GALNTL6: variants seen among roughly 807,000 people sequenced by gnomAD.
GALNTL6 encodes polypeptide N-acetylgalactosaminyltransferase like 6.
GALNTL6 carries 46 observed loss-of-function variants against 73.7 expected under a neutral mutation model. The observed-to-expected ratio is 0.62, with a 90% CI of 0.49 to 0.80. The LOEUF (loss-of-function observed/expected upper bound fraction) is 0.80. Among genes scored for constraint, GALNTL6 ranks in the 30% least tolerant of loss-of-function variants. The probability of loss-of-function intolerance (pLI) is 0.00; values close to 1 mark genes in which losing one functional copy is unlikely to be tolerated. For synonymous variants in GALNTL6, 259 were observed against 263.7 expected (o/e 0.98, Z 0.17); for missense variants, 604 against 755.0 (o/e 0.80, Z 2.34).
chr4:172,643,863 C>A (rs989161126), intron 5 of GALNTL6, among the ~76,000 whole-genome samples: 1 of 151,804 alleles, frequency 6.6e-6, no homozygotes, highest in Admixed American at 6.6e-5. Context: ...AGTAGTGCTG[C>A]TTTTTGTATA....
chr4:172,882,158 T>G (rs546478870), intron 7 of GALNTL6, among the ~76,000 whole-genome samples: 1 of 152,300 alleles, frequency 6.6e-6, no homozygotes, highest in South Asian at 2.1e-4. Context: ...AAATTATTAT[T>G]TAATCAAAAT....
In GALNTL6 at chr4:172,923,573, G is replaced by A. The variant is rs116813481; in HGVS notation, c.1042-7588G>A. Among the ~76,000 whole-genome samples the A allele has an allele frequency of 6.3e-3, 958 of 152,298 alleles. 7 individuals carry two copies. Among genetic ancestry groups the A allele is most frequent in the South Asian group, 0.025 (122 of 4,824 alleles). ...ACCTCTATACAACCTTCCTGGGATGGTGCTAATGAGCAATGCAGCCACTAG... is the reference window on the plus strand; with the variant it reads ...ACCTCTATACAACCTTCCTGGGATGATGCTAATGAGCAATGCAGCCACTAG... On this transcript the variant is annotated intron_variant, in intron 8 of 12. Coordinates refer to ENST00000506823, the MANE Select transcript of GALNTL6 (RefSeq NM_001034845.3).
chr4:172,867,381 C>T (rs1180948305), intron 7 of GALNTL6, among the ~76,000 whole-genome samples: 5 of 152,146 alleles, frequency 3.3e-5, no homozygotes, highest in African/African-American at 1.2e-4. Context: ...AGAGGTGGGA[C>T]ATCTGAAGAC....
chr4:172,102,628 C>T (rs917174695), intron 2 of GALNTL6, among the ~76,000 whole-genome samples: 5 of 152,202 alleles, frequency 3.3e-5, no homozygotes, highest in Non-Finnish European at 5.9e-5. Context: ...CAGAGCTGAG[C>T]TGCCATGTGT....
At chr4:172,076,888 G>A (rs1426952998) in intron 2 of GALNTL6, among the ~76,000 whole-genome samples, 1 of 152,174 alleles carries the variant, frequency 6.6e-6, no homozygotes. Context: ...GGAGAGACCT[G>A]GTGGGAGGTG....
At chr4:172,145,466 A>G (rs1326083760) in intron 2 of GALNTL6, among the ~76,000 whole-genome samples, 1 of 152,016 alleles carries the variant, frequency 6.6e-6, no homozygotes, top group African/African-American at 2.4e-5. Context: ...GCTGGTCTCA[A>G]ACTCCTGGAC....
At chr4:172,709,453 A>G (rs892401486) in intron 5 of GALNTL6, among the ~76,000 whole-genome samples, 1 of 152,222 alleles carries the variant, frequency 6.6e-6, no homozygotes, top group African/African-American at 2.4e-5. Flanking sequence ...ACTTACCATG[A>G]TCTTCCTTTA....
intron 7 of GALNTL6, among the ~76,000 whole-genome samples, chr4:172,872,545 A>G (rs1450808128): frequency 6.6e-6 from 1 of 152,252 alleles, no homozygotes; most frequent in African/African-American, 2.4e-5. Context: ...ATAAAGAAAA[A>G]TGCAGAAATA....
intron 3 of GALNTL6, among the ~76,000 whole-genome samples, chr4:172,303,488 A>G (rs1188550370): frequency 3.3e-5 from 5 of 152,000 alleles, no homozygotes; most frequent in African/African-American, 1.2e-4. Flanking sequence ...CCCTGTATGC[A>G]CTCATCTCTC....
At chr4:171,872,084 T>C (rs1736152786) in intron 2 of GALNTL6, among the ~76,000 whole-genome samples, 1 of 152,176 alleles carries the variant, frequency 6.6e-6, no homozygotes, top group African/African-American at 2.4e-5. Flanking sequence ...TGCAACTTTG[T>C]TAGATATACT....
At chr4:172,074,466 C>T (rs1296258062) in intron 2 of GALNTL6, among the ~76,000 whole-genome samples, 1 of 152,158 alleles carries the variant, frequency 6.6e-6, no homozygotes, top group Non-Finnish European at 1.5e-5. Context: ...GAGTGCGGTT[C>T]TATCATCCAC....
At chr4:172,696,454 T>C (rs143835406) in intron 5 of GALNTL6, among the ~76,000 whole-genome samples, 82 of 152,340 alleles carry the variant, frequency 5.4e-4, no homozygotes, top group African/African-American at 1.8e-3. Context: ...CAGATTGATA[T>C]GGTTTGACTA....
At chr4:172,635,855 T>C (rs563288525) in intron 5 of GALNTL6, among the ~76,000 whole-genome samples, 33 of 152,348 alleles carry the variant, frequency 2.2e-4, no homozygotes, top group Non-Finnish European at 4.7e-4. Context: ...CATTTGTTTC[T>C]TCTGAGTGCC....
At chr4:172,224,470 G>C (rs1434274698) in intron 2 of GALNTL6, among the ~76,000 whole-genome samples, 1 of 152,142 alleles carries the variant, frequency 6.6e-6, no homozygotes, top group African/African-American at 2.4e-5. Context: ...ACTAAGATAG[G>C]TTTTAGAATA....
At chr4:172,016,628 G>C (rs974334459) in intron 2 of GALNTL6, among the ~76,000 whole-genome samples, 1 of 151,886 alleles carries the variant, frequency 6.6e-6, no homozygotes, top group African/African-American at 2.4e-5. Flanking sequence ...GTGATATTTT[G>C]GGGGTTGTTA....
chr4:172,571,109 T>A (rs913017221), intron 5 of GALNTL6, among the ~76,000 whole-genome samples: 6 of 152,174 alleles, frequency 3.9e-5, no homozygotes, highest in Admixed American at 3.3e-4. Context: ...GGCCACAGAC[T>A]GGTATAGGGG....
chr4:172,208,013 G>A (rs555216760), intron 2 of GALNTL6, among the ~76,000 whole-genome samples: 4 of 152,162 alleles, frequency 2.6e-5, no homozygotes, highest in African/African-American at 4.8e-5. Context: ...GAAAGAAGAC[G>A]GAGTGAGGAA....
At chr4:172,222,681 C>T (rs1029670001) in intron 2 of GALNTL6, among the ~76,000 whole-genome samples, 7 of 151,864 alleles carry the variant, frequency 4.6e-5, no homozygotes, top group African/African-American at 1.7e-4. Context: ...ATCTACACAC[C>T]CACCTTGGGG....
chr4:172,006,366 G>T (rs955188425), intron 2 of GALNTL6, among the ~76,000 whole-genome samples: 1 of 152,118 alleles, frequency 6.6e-6, no homozygotes, highest in Non-Finnish European at 1.5e-5. Flanking sequence ...GGTGGCTCTT[G>T]CCTGTAATCC....
Sources: allele counts gnomAD v4.1 joint callset (sites outside exome capture counted in the v4.1 genomes callset), GRCh38; gene constraint gnomAD v4.1.1; transcripts MANE v1.5; gene names NCBI Gene and HGNC (gene_info 2026-07-23, HGNC 2026-07-21).